Variants in HS2ST1 observed in about 807,000 individuals in gnomAD.
HS2ST1 encodes 2-O-sulfotransferase.
Under a neutral mutation model 42.9 loss-of-function variants are expected in HS2ST1, and 18 were observed. The ratio of observed to expected loss-of-function variants is 0.42; its 90% CI spans 0.29 to 0.62. The LOEUF is 0.62. HS2ST1 is among the 20% of genes least tolerant of loss of function. The pLI is 0.21. For missense variants in HS2ST1, 334 were observed against 433.8 expected (o/e 0.77, Z 2.04); for synonymous variants, 146 against 152.9 (o/e 0.95, Z 0.33).
chr1:86,975,407 TG>T (rs1336081852), intron 1 of HS2ST1, among the ~76,000 whole-genome samples: 3 of 152,100 alleles, frequency 2.0e-5, no homozygotes, highest in Non-Finnish European at 4.4e-5. Context: ...TTTCTCTGAT[TG>T]AGATAAAATT....
chr1:87,106,770 G>A lies in HS2ST1; in HGVS notation c.*2074G>A, dbSNP rs1652332385. The A allele has an allele frequency of 6.6e-6, 1 of 151,730 alleles. No individual in the cohort carries two copies. Among genetic ancestry groups the A allele is most frequent in the African/African-American group, 2.4e-5 (1 of 41,296 alleles). 9.4% of individuals were successfully genotyped at this position (151,730 alleles called of 1,614,324 possible). A position where few individuals can be genotyped will look rare whatever the true frequency, so the allele number is the denominator to read the frequency against. ...AAATTATTTCCTCGCCCAAAATAAA[G>A]CACCACTTCAAGGTGTGGTTTGACA... On this transcript the variant is annotated 3_prime_UTR_variant, in exon 7 of 7. Transcript: ENST00000370550.
Position 86,963,748 on chromosome 1 carries a change from C to T in HS2ST1, c.124+48588C>T, listed in dbSNP as rs547977957. ...AAGGGGCGGCCAGGCAGAGGCGCCCCCCCCCCCACCTCCCGGACGGGGCAG... is the reference window on the plus strand; with the variant it reads ...AAGGGGCGGCCAGGCAGAGGCGCCCTCCCCCCCACCTCCCGGACGGGGCAG... On this transcript the variant is annotated intron_variant, in intron 1 of 6. Transcript: ENST00000370550. 4.5e-3 allele frequency among the ~76,000 whole-genome samples: 672 copies of T among 149,258 alleles called. 7 individuals are homozygous for T. Among genetic ancestry groups the T allele is most frequent in the Middle Eastern group, 0.021 (6 of 288 alleles).
At chr1:87,065,627 C>T (rs1354200953) in intron 1 of HS2ST1, among the ~76,000 whole-genome samples, 2 of 152,140 alleles carry the variant, frequency 1.3e-5, no homozygotes, top group African/African-American at 4.8e-5. Context: ...ACAAGCCAAC[C>T]TTGTAAGAGA....
chr1:86,955,787 C>T (rs1647661067), intron 1 of HS2ST1, among the ~76,000 whole-genome samples: 1 of 152,116 alleles, frequency 6.6e-6, no homozygotes, highest in Admixed American at 6.5e-5. Context: ...GAGTTTGGGA[C>T]CAGCCTAGGC....
chr1:87,069,414 A>T (rs984322963), intron 1 of HS2ST1, among the ~76,000 whole-genome samples: 1 of 152,220 alleles, frequency 6.6e-6, no homozygotes, highest in Non-Finnish European at 1.5e-5. Context: ...CACTAACTAG[A>T]TGTAGAGCAT....
chr1:87,103,237 G>C (rs1652257336), intron 5 of HS2ST1, among the ~76,000 whole-genome samples, 195 bp from the exon 6 acceptor site: 1 of 152,230 alleles, frequency 6.6e-6, no homozygotes, highest in Non-Finnish European at 1.5e-5. Flanking sequence ...AGCACTCATA[G>C]TTGAGCAGAA....
chr1:86,915,063 G>A lies in HS2ST1; in HGVS notation c.27G>A (p.Pro9=), dbSNP rs764415132. The change falls in exon 1 of 7, where the codon CCG becomes CCA. Residue 9 remains proline (P), a synonymous_variant. Transcript: ENST00000370550. MGLLRIMM[P]PKLQLLAVVA... ...TGGGGCTCCTCAGGATTATGATGCC[G>A]CCCAAGTTGCAGCTGCTGGCGGTGG... 12 of 1,614,020 alleles carry A rather than the reference G, an allele frequency of 7.4e-6. No individual in the cohort carries two copies. In the African/African-American group the frequency reaches 1.5e-4, roughly 20 times the overall value.
At chr1:87,017,127 T>TTC (rs971891520) in intron 1 of HS2ST1, among the ~76,000 whole-genome samples, 48 of 151,222 alleles carry the variant, frequency 3.2e-4, no homozygotes, top group South Asian at 8.4e-4. Flanking sequence ...GTAGCAGCCT[T>TTC]TCTCTCTCTC....
chr1:86,936,449 T>C (rs1044731621), intron 1 of HS2ST1, among the ~76,000 whole-genome samples: 4 of 152,214 alleles, frequency 2.6e-5, no homozygotes, highest in Non-Finnish European at 5.9e-5. Context: ...AGTTGATTTC[T>C]CTAATATCTG....
At chr1:87,002,626 AAAAG>A (rs1408065793) in intron 1 of HS2ST1, among the ~76,000 whole-genome samples, 17 of 148,238 alleles carry the variant, frequency 1.1e-4, no homozygotes, top group African/African-American at 3.7e-4. Context: ...AAAAAAAAGA[AAAAG>A]AAAAAAAAGA....
intron 1 of HS2ST1, among the ~76,000 whole-genome samples, chr1:86,969,255 G>A (rs1648159969): frequency 6.6e-6 from 1 of 152,018 alleles, no homozygotes; most frequent in South Asian, 2.1e-4. Flanking sequence ...CCCTGGTTAG[G>A]GTTCTTCTGA....
intron 4 of HS2ST1, among the ~76,000 whole-genome samples, 183 bp from the exon 5 acceptor site, chr1:87,097,655 G>C (rs1406195670): frequency 6.6e-6 from 1 of 152,158 alleles, no homozygotes; most frequent in Admixed American, 6.5e-5. Flanking sequence ...GCCTCCCAAA[G>C]TGCTGGGATT....
intron 1 of HS2ST1, among the ~76,000 whole-genome samples, chr1:87,030,249 A>T (rs2100594932): frequency 6.6e-6 from 1 of 152,340 alleles, no homozygotes; most frequent in East Asian, 1.9e-4. Context: ...TTCAAATTGT[A>T]AAAATAAAAT....
chr1:87,015,383 C>T (rs1175714575), intron 1 of HS2ST1, among the ~76,000 whole-genome samples: 2 of 138,758 alleles, frequency 1.4e-5, no homozygotes, highest in African/African-American at 2.7e-5. Flanking sequence ...AGTCTCGTTC[C>T]GTGGCCCAGG....
chr1:87,047,124 G>A (rs11161928), intron 1 of HS2ST1, among the ~76,000 whole-genome samples: 141,898 of 152,244 alleles, frequency 0.93, 66,183 homozygotes, highest in East Asian at 0.99. Context: ...GACAAGTCTC[G>A]GTATGACCGG....
chr1:87,073,274 T>G (rs1220964476), intron 2 of HS2ST1, 102 bp downstream of exon 2: 1 of 827,758 alleles, frequency 1.2e-6, no homozygotes, highest in Non-Finnish European at 2.0e-6. Context: ...TGAGTGCTGA[T>G]CTCAGTGGAT....
intron 1 of HS2ST1, among the ~76,000 whole-genome samples, chr1:86,983,888 A>G (rs1009398645): frequency 6.6e-6 from 1 of 152,024 alleles, no homozygotes; most frequent in Non-Finnish European, 1.5e-5. Context: ...AAAAATACAA[A>G]AATTAGCTGG....
intron 5 of HS2ST1, among the ~76,000 whole-genome samples, chr1:87,101,198 C>T (rs1212104381): frequency 1.8e-5 from 2 of 110,192 alleles, no homozygotes; most frequent in Non-Finnish European, 3.4e-5. Context: ...GGCAGTCTCA[C>T]TCTGTCAGCC....
At chr1:86,947,915 A>T (rs773702622) in intron 1 of HS2ST1, among the ~76,000 whole-genome samples, 2 of 152,134 alleles carry the variant, frequency 1.3e-5, no homozygotes, top group Non-Finnish European at 2.9e-5. Flanking sequence ...AGCAATATAT[A>T]TGGAACATTC....
Sources: allele counts gnomAD v4.1 joint callset (sites outside exome capture counted in the v4.1 genomes callset), GRCh38; gene constraint gnomAD v4.1.1; transcripts MANE v1.5; gene names NCBI Gene and HGNC (gene_info 2026-07-23, HGNC 2026-07-21).